Variants in DCDC2 observed in about 807,000 individuals in gnomAD.
DCDC2 encodes doublecortin domain containing 2, also known as doublecortin domain-containing protein 2.
In DCDC2, 40 loss-of-function variants were observed where a neutral mutation model predicts 50.2. That is an observed-to-expected ratio of 0.80 (90% confidence interval 0.62 to 1.04). The LOEUF is 1.04. Ranked by LOEUF, DCDC2 falls within the 50% of genes least tolerant of loss-of-function variation. DCDC2 has a pLI of 0.00. For synonymous variants in DCDC2, 234 were observed against 210.6 expected (o/e 1.11, Z -0.96); for missense variants, 570 against 581.9 (o/e 0.98, Z 0.21).
At chr6:24,373,469 G>A in the DCDC2 span, among the ~76,000 whole-genome samples, 2 of 152,174 alleles carry the variant, frequency 1.3e-5, no homozygotes, top group African/African-American at 4.8e-5. Context: ...AACCAATTAA[G>A]CAAGACACAG....
At chr6:24,336,703 T>C (rs1250987426) in intron 2 of DCDC2, among the ~76,000 whole-genome samples, 7 of 152,180 alleles carry the variant, frequency 4.6e-5, no homozygotes, top group African/African-American at 1.7e-4. Flanking sequence ...CAATATAATG[T>C]CAGTGATCCC....
At chr6:24,203,798 A>C (rs1761642575) in intron 8 of DCDC2, among the ~76,000 whole-genome samples, 1 of 117,472 alleles carries the variant, frequency 8.5e-6, no homozygotes, top group South Asian at 2.9e-4. Context: ...AAGAAAAAAA[A>C]CAAACAAACC....
At chr6:24,285,917 G>T (rs1763596751) in intron 6 of DCDC2, among the ~76,000 whole-genome samples, 1 of 152,070 alleles carries the variant, frequency 6.6e-6, no homozygotes. Context: ...TAGCTGCACT[G>T]TGAGAATTAA....
chr6:24,268,287 G>C (rs568433876), intron 7 of DCDC2, among the ~76,000 whole-genome samples: 1 of 152,282 alleles, frequency 6.6e-6, no homozygotes, highest in East Asian at 1.9e-4. Flanking sequence ...AGAAGTTCGA[G>C]ACCAGCCTAG....
At chr6:24,316,048 T>C (rs1484483059) in intron 2 of DCDC2, among the ~76,000 whole-genome samples, 1 of 152,120 alleles carries the variant, frequency 6.6e-6, no homozygotes, top group African/African-American at 2.4e-5. Flanking sequence ...AACAGTCAGG[T>C]GGACAGTGAT....
intron 5 of DCDC2, among the ~76,000 whole-genome samples, chr6:24,290,086 C>A (rs1290985912): frequency 7.1e-6 from 1 of 140,498 alleles, no homozygotes; most frequent in South Asian, 2.4e-4. Flanking sequence ...CTCCGCCTCC[C>A]GGGTTCACGC....
chr6:24,206,833 T>C (rs1761725554), intron 7 of DCDC2, among the ~76,000 whole-genome samples: 2 of 152,132 alleles, frequency 1.3e-5, no homozygotes, highest in South Asian at 4.1e-4. Flanking sequence ...CTGTGCACAG[T>C]GACACAAAGA....
chr6:24,327,964 G>A (rs1001139357), intron 2 of DCDC2, among the ~76,000 whole-genome samples: 1 of 152,122 alleles, frequency 6.6e-6, no homozygotes, highest in Non-Finnish European at 1.5e-5. Flanking sequence ...TTTGACAGAT[G>A]GCAGAGATGG....
intron 7 of DCDC2, among the ~76,000 whole-genome samples, chr6:24,220,070 C>T (rs1321630593): frequency 6.6e-6 from 1 of 152,186 alleles, no homozygotes; most frequent in Non-Finnish European, 1.5e-5. Context: ...ATAAGGCTAC[C>T]CATCGCTCCT....
At chr6:24,187,336 A>G (rs1446139046) in intron 8 of DCDC2, among the ~76,000 whole-genome samples, 1 of 151,986 alleles carries the variant, frequency 6.6e-6, no homozygotes, top group African/African-American at 2.4e-5. Flanking sequence ...GTGCCATCCT[A>G]TTACTCATGC....
chr6:24,179,953 C>CA (rs56376644), intron 8 of DCDC2, among the ~76,000 whole-genome samples: 27,675 of 85,914 alleles, frequency 0.32, 6,547 homozygotes, highest in African/African-American at 0.6. Context: ...GACTCCATCT[C>CA]AAAAAAAAAA....
At chr6:24,274,306 A>G (rs1763302929) in intron 7 of DCDC2, among the ~76,000 whole-genome samples, 1 of 152,208 alleles carries the variant, frequency 6.6e-6, no homozygotes, top group African/African-American at 2.4e-5. Flanking sequence ...ATGCTATTTC[A>G]AAACAATCAT....
chr6:24,317,711 T>C (rs528104171), intron 2 of DCDC2, among the ~76,000 whole-genome samples: 8 of 151,704 alleles, frequency 5.3e-5, no homozygotes, highest in African/African-American at 1.4e-4. Flanking sequence ...CATAAGACAA[T>C]TGACAAACTA....
intron 4 of DCDC2, among the ~76,000 whole-genome samples, chr6:24,300,293 T>C (rs1425437974): frequency 6.6e-6 from 1 of 151,114 alleles, no homozygotes; most frequent in African/African-American, 2.4e-5. Context: ...GAGGTAAGAG[T>C]ATCAATTGAG....
In DCDC2 at chr6:24,285,815, G is replaced by A. The variant is rs192719765; in HGVS notation, c.759+3037C>T. Among the ~76,000 whole-genome samples the A allele has an allele frequency of 2.0e-5, 3 of 152,272 alleles. No individual in the cohort carries two copies. In the East Asian group the frequency reaches 5.8e-4, roughly 29 times the overall value. On this transcript the variant is annotated intron_variant, in intron 6 of 9. Transcript: ENST00000378454. The stretch of plus-strand genomic sequence containing the variant: ...CTGTGAATACAAAGAGTTGGGTCAT[G>A]ACTTTGGTCCTGACATCGACTTTCC...
intron 7 of DCDC2, among the ~76,000 whole-genome samples, chr6:24,265,829 C>A (rs147181829): frequency 2.2e-3 from 339 of 150,674 alleles, no homozygotes; most frequent in African/African-American, 7.5e-3. Flanking sequence ...ATTCATATAC[C>A]ATAATGATGT....
intron 7 of DCDC2, among the ~76,000 whole-genome samples, chr6:24,223,416 A>G (rs550282106): frequency 6.6e-6 from 1 of 152,322 alleles, no homozygotes; most frequent in African/African-American, 2.4e-5. Context: ...CCTGCTTCAA[A>G]TGGCATCCAG....
intron 2 of DCDC2, among the ~76,000 whole-genome samples, chr6:24,303,305 G>A (rs139685999): frequency 0.014 from 2,196 of 152,082 alleles, 18 homozygotes; most frequent in Middle Eastern, 0.044. Flanking sequence ...AACTCCCAGG[G>A]CCAAGTGCCG....
chr6:24,208,873 A>G (rs1761788013), intron 7 of DCDC2, among the ~76,000 whole-genome samples: 1 of 152,234 alleles, frequency 6.6e-6, no homozygotes, highest in Middle Eastern at 3.2e-3. Flanking sequence ...TAACAATACA[A>G]AGCATTATAT....
Sources: allele counts gnomAD v4.1 joint callset (sites outside exome capture counted in the v4.1 genomes callset), GRCh38; gene constraint gnomAD v4.1.1; transcripts MANE v1.5; gene names NCBI Gene and HGNC (gene_info 2026-07-23, HGNC 2026-07-21).